The following DENND2B variants were observed in gnomAD, a reference collection of about 807,000 sequenced individuals.
DENND2B encodes DENN domain-containing protein 2B.
In DENND2B, 32 loss-of-function variants were observed where a neutral mutation model predicts 116.0. The ratio of observed to expected loss-of-function variants is 0.28; its 90% CI spans 0.21 to 0.37. The LOEUF is 0.37. Among genes scored for constraint, DENND2B ranks in the 10% least tolerant of loss-of-function variants. The probability of loss-of-function intolerance (pLI) is 1.00; values close to 1 mark genes in which losing one functional copy is unlikely to be tolerated. For synonymous variants in DENND2B, 588 were observed against 583.9 expected, an observed-to-expected ratio of 1.01 and a Z score of -0.10; for missense variants, 1,276 against 1,477.7, an observed-to-expected ratio of 0.86 and a Z score of 2.24.
rs752262063 is a variant in DENND2B at position 8,729,977 on chromosome 11, A to C, written c.1313T>G (p.Met438Arg). 3.1e-6 allele frequency: 5 copies of C among 1,614,116 alleles called. No homozygotes were observed. The highest frequency in any genetic ancestry group is 4.2e-6 in the Non-Finnish European group (5 of 1,180,000). The change falls in exon 3 of 20, where the codon ATG becomes AGG. Residue 438 changes from methionine (M) to arginine (R), a missense_variant. By Grantham distance (91) the Met-to-Arg change is moderately conservative. Around this residue, in one of 2 missense-constraint regions of DENND2B, gnomAD observed 856 missense variants for 846.6 expected, o/e 1.01. Coordinates refer to ENST00000313726, the MANE Select transcript of DENND2B (RefSeq NM_213618.2). The stretch of plus-strand genomic sequence containing the variant: ...GCTCTGGGACTTGCGGTGACCACGC[A>C]TGTCCTTCTTGGGTCTCCGGGTGAC... ...PPVTRRPKKDMRGHRKSQSRK... is the reference protein window; with the variant it reads ...PPVTRRPKKDRRGHRKSQSRK...
chr11:8,890,757 A>G lies in DENND2B; in HGVS notation c.-255-9648T>C, dbSNP rs1338213843. On this transcript the variant is annotated intron_variant, in intron 1 of 22. Coordinates refer to the DENND2B transcript ENST00000534127. Reference sequence around the variant, plus strand: ...AAGACTACATGAAAAGACCAAATCTACATCTGAGTGGTGTACCTGAAAGTG... The same window carrying G: ...AAGACTACATGAAAAGACCAAATCTGCATCTGAGTGGTGTACCTGAAAGTG... Among the ~76,000 whole-genome samples, 3 of 152,350 alleles carry G rather than the reference A, an allele frequency of 2.0e-5. No individual in the cohort carries two copies. The East Asian group carries it at 5.8e-4, about 29-fold the overall frequency.
intron 4 of DENND2B, chr11:8,718,319 C>G: frequency 6.6e-7 from 1 of 1,507,962 alleles, no homozygotes; most frequent in Non-Finnish European, 8.9e-7. Context: ...ACATGGCTGT[C>G]CCTTCACCCA....
At chr11:8,738,570 C>G (rs1199750546) in intron 2 of DENND2B, among the ~76,000 whole-genome samples, 1 of 152,154 alleles carries the variant, frequency 6.6e-6, no homozygotes, top group African/African-American at 2.4e-5. Flanking sequence ...ATTCTACTTC[C>G]TAACATCTCT....
upstream of DENND2B, among the ~76,000 whole-genome samples, chr11:8,813,214 G>C (rs1263254596): frequency 6.6e-6 from 1 of 152,168 alleles, no homozygotes; most frequent in Non-Finnish European, 1.5e-5. Context: ...TATACCAGAA[G>C]TTAAGGTAGG....
chr11:8,780,484 T>C (rs2058266853), intron 1 of DENND2B, among the ~76,000 whole-genome samples: 1 of 152,144 alleles, frequency 6.6e-6, no homozygotes, highest in Non-Finnish European at 1.5e-5. Context: ...TACAGGGGTA[T>C]TCCTACACAG....
chr11:8,799,931 T>C (rs1246745530), intron 1 of DENND2B, among the ~76,000 whole-genome samples: 2 of 9,568 alleles, frequency 2.1e-4, no homozygotes, highest in Non-Finnish European at 1.5e-3. Flanking sequence ...ATTATTATTA[T>C]TATTATTATT....
intron 2 of DENND2B, among the ~76,000 whole-genome samples, chr11:8,737,006 C>T (rs936817417): frequency 1.3e-5 from 2 of 152,132 alleles, no homozygotes; most frequent in African/African-American, 4.8e-5. Flanking sequence ...TATGATGACT[C>T]GGATCAGAAG....
chr11:8,776,219 C>T (rs1378639447), intron 1 of DENND2B: 1 of 455,032 alleles, frequency 2.2e-6, no homozygotes. Flanking sequence ...ACCTTCTGCT[C>T]CAAACATGTC....
chr11:8,910,130 C>T (rs2064297756), intron 1 of DENND2B, among the ~76,000 whole-genome samples: 1 of 151,788 alleles, frequency 6.6e-6, no homozygotes, highest in Non-Finnish European at 1.5e-5. Context: ...TATGTGAATC[C>T]GTACTTCCCA....
At chr11:8,851,636 T>C (rs576732703) in intron 3 of DENND2B, among the ~76,000 whole-genome samples, 3 of 152,274 alleles carry the variant, frequency 2.0e-5, no homozygotes, top group African/African-American at 7.2e-5. Flanking sequence ...CTTTTACTTC[T>C]AGGAATCCCC....
chr11:8,901,039 C>T (rs2064161477), intron 1 of DENND2B, among the ~76,000 whole-genome samples: 1 of 150,102 alleles, frequency 6.7e-6, no homozygotes. Flanking sequence ...GCGTGAGCCA[C>T]CACACCTGGC....
chr11:8,732,223 C>G (rs1376833962), intron 2 of DENND2B, among the ~76,000 whole-genome samples: 1 of 152,224 alleles, frequency 6.6e-6, no homozygotes, highest in South Asian at 2.1e-4. Flanking sequence ...CAGATCTTGG[C>G]AACTACAAGG....
intron 1 of DENND2B, among the ~76,000 whole-genome samples, chr11:8,782,627 C>T (rs2058485553): frequency 6.6e-6 from 1 of 152,100 alleles, no homozygotes; most frequent in East Asian, 1.9e-4. Flanking sequence ...TGGCTCACGC[C>T]TGTAATCCCA....
chr11:8,719,197 G>C (rs926425332), intron 4 of DENND2B: 4 of 985,398 alleles, frequency 4.1e-6, no homozygotes, highest in Non-Finnish European at 4.8e-6. Flanking sequence ...CTTTCCTAGA[G>C]AGGACACGGG....
Position 8,842,419 on chromosome 11 carries a change from G to A in DENND2B, c.-155-3069C>T, listed in dbSNP as rs532074116. Among the ~76,000 whole-genome samples the A allele has an allele frequency of 3.3e-5, 5 of 152,248 alleles. No homozygotes were observed. In the South Asian group the frequency reaches 1.0e-3, roughly 32 times the overall value. On this transcript the variant is annotated intron_variant, in intron 3 of 6. Transcript: ENST00000524757. Reference sequence around the variant, plus strand: ...AAACCTCCATTTCTCCCTCTCAAGAGTCTGGAGTTATGAATTATTAGGTGG... The same window carrying A: ...AAACCTCCATTTCTCCCTCTCAAGAATCTGGAGTTATGAATTATTAGGTGG...
At chr11:8,881,260 G>A (rs2063901207) in intron 1 of DENND2B, among the ~76,000 whole-genome samples, 1 of 152,042 alleles carries the variant, frequency 6.6e-6, no homozygotes, top group African/African-American at 2.4e-5. Context: ...AGGCACTTGT[G>A]GGCCTTTTTA....
At chr11:8,699,848 T>A in intron 14 of DENND2B, 1 of 456,634 alleles carries the variant, frequency 2.2e-6, no homozygotes, top group South Asian at 1.5e-5. Flanking sequence ...ATGAGCTGGC[T>A]GGACCTACCC....
rs555136827 is a variant in DENND2B at position 8,747,679 on chromosome 11, T to C, written c.80+2942A>G. On this transcript the variant is annotated intron_variant, in intron 2 of 19. Transcript: ENST00000313726. ...GGAGAGTGTATCTGGCAGGTAAGGA[T>C]GAACAGTATGCTCATTCGGCCTCAT... 3.9e-5 allele frequency among the ~76,000 whole-genome samples: 6 copies of C among 152,228 alleles called. No individual in the cohort carries two copies. In the East Asian group the frequency reaches 1.2e-3, roughly 29 times the overall value.
At chr11:8,856,494 C>T (rs1407746340) in intron 3 of DENND2B, among the ~76,000 whole-genome samples, 1 of 152,182 alleles carries the variant, frequency 6.6e-6, no homozygotes, top group East Asian at 1.9e-4. Context: ...ATGTGGACTA[C>T]CTGAATGGGC....
Sources: gnomAD v4.1 joint callset for allele counts (sites outside exome capture counted in the v4.1 genomes callset) on GRCh38, gnomAD v4.1.1 for gene constraint, gnomAD v4.1.1 regional missense constraint, MANE v1.5 for transcripts, NCBI Gene and HGNC (gene_info 2026-07-23, HGNC 2026-07-21) for gene names.